Variants in TRIP4 observed in about 807,000 individuals in gnomAD.
The protein encoded by TRIP4 is thyroid hormone receptor interactor 4.
In TRIP4, 54 loss-of-function variants were observed where a neutral mutation model predicts 81.8. The ratio of observed to expected loss-of-function variants is 0.66; its 90% CI spans 0.53 to 0.83. TRIP4 has a LOEUF of 0.83. Among genes scored for constraint, TRIP4 ranks in the 40% least tolerant of loss-of-function variants. The pLI, the probability that TRIP4 is intolerant of heterozygous loss-of-function variation, is 0.00. For synonymous variants in TRIP4, 270 were observed against 242.8 expected (o/e 1.11, Z -1.04); for missense variants, 662 against 683.6 (o/e 0.97, Z 0.35).
intron 10 of TRIP4, among the ~76,000 whole-genome samples, chr15:64,424,624 G>T (rs1186704114): frequency 1.3e-5 from 2 of 152,234 alleles, no homozygotes; most frequent in Admixed American, 6.5e-5. Context: ...TGACCTTTGG[G>T]CATCCTGTTT....
chr15:64,401,552 G>C (rs1020028513), intron 5 of TRIP4, among the ~76,000 whole-genome samples: 2 of 152,182 alleles, frequency 1.3e-5, no homozygotes, highest in African/African-American at 4.8e-5. Flanking sequence ...GATTACAGAT[G>C]TGACCCACTG....
At chr15:64,452,376 G>A (rs1892789883) in intron 12 of TRIP4, among the ~76,000 whole-genome samples, 1 of 152,128 alleles carries the variant, frequency 6.6e-6, no homozygotes, top group Non-Finnish European at 1.5e-5. Context: ...TGGGATTTTG[G>A]ATTTCTGGAT....
At chr15:64,432,922 AAAAT>A (rs59272780) in intron 11 of TRIP4, among the ~76,000 whole-genome samples, 9,309 of 150,228 alleles carry the variant, frequency 0.062, 329 homozygotes, top group African/African-American at 0.093. Flanking sequence ...AAAATAAATA[AAAAT>A]AAATAAATAA....
chr15:64,394,156 G>C, intron 2 of TRIP4, 41 bp downstream of exon 2: 1 of 1,509,942 alleles, frequency 6.6e-7, no homozygotes, highest in Non-Finnish European at 8.9e-7. Context: ...ATATTGGTAA[G>C]TGGGCAGGCT....
intron 6 of TRIP4, among the ~76,000 whole-genome samples, chr15:64,408,501 C>T (rs950363546): frequency 3.4e-5 from 5 of 148,394 alleles, no homozygotes; most frequent in Admixed American, 7.0e-5. Flanking sequence ...CCTTGTGATC[C>T]GTCCGCCTCA....
In TRIP4 at chr15:64,453,231, C is replaced by T. The variant is rs574660364; in HGVS notation, c.1679-1766C>T. Among the ~76,000 whole-genome samples, 3 of 152,228 alleles carry T rather than the reference C, an allele frequency of 2.0e-5. No individual in the cohort carries two copies. In the South Asian group the frequency reaches 6.2e-4, roughly 32 times the overall value. On this transcript the variant is annotated intron_variant, in intron 12 of 12. Coordinates refer to ENST00000261884, the MANE Select transcript of TRIP4 (RefSeq NM_016213.5). ...ATACAGACGACTGGATGTCTGGAGTCCTAGATGGAATTCTAAATTCTGTCC... is the reference window on the plus strand; with the variant it reads ...ATACAGACGACTGGATGTCTGGAGTTCTAGATGGAATTCTAAATTCTGTCC...
At chr15:64,437,166 A>C (rs1444352790) in intron 11 of TRIP4, among the ~76,000 whole-genome samples, 1 of 151,680 alleles carries the variant, frequency 6.6e-6, no homozygotes, top group African/African-American at 2.4e-5. Context: ...CACACCTGTA[A>C]TCCCAGCACT....
At chr15:64,421,937 C>T (rs943841775) in intron 9 of TRIP4, among the ~76,000 whole-genome samples, 5 of 150,876 alleles carry the variant, frequency 3.3e-5, no homozygotes, top group Admixed American at 1.3e-4. Flanking sequence ...TCTAGCTACT[C>T]GGGAGGCTGA....
At chr15:64,425,237 T>A (rs1038975588) in intron 10 of TRIP4, among the ~76,000 whole-genome samples, 3 of 152,150 alleles carry the variant, frequency 2.0e-5, no homozygotes, top group Non-Finnish European at 4.4e-5. Context: ...TCTGATCCAA[T>A]GGCGTATAGT....
rs1158885419 is a variant in TRIP4 at position 64,443,698 on chromosome 15, AAT to A, written c.1576-1305_1576-1304del. Among the ~76,000 whole-genome samples the A allele has an allele frequency of 9.2e-5, 14 of 152,248 alleles. No homozygotes were observed. In the East Asian group the frequency reaches 2.3e-3, roughly 25 times the overall value. ...CCGTGAACATTTGACCCTGCCTATT[AAT>A]ATGATTGTGGCTGATAGTTAATATT... On this transcript the variant is annotated intron_variant, in intron 11 of 12. Coordinates refer to ENST00000261884, the MANE Select transcript of TRIP4 (RefSeq NM_016213.5).
chr15:64,430,073 G>C (rs998423795), intron 11 of TRIP4, among the ~76,000 whole-genome samples: 3 of 152,146 alleles, frequency 2.0e-5, no homozygotes, highest in Non-Finnish European at 2.9e-5. Context: ...AAATCGAAAA[G>C]GTTTTGTTAG....
chr15:64,400,882 T>G (rs1891483387), intron 5 of TRIP4, 61 bp downstream of exon 5: 1 of 1,384,600 alleles, frequency 7.2e-7, no homozygotes, highest in Non-Finnish European at 1.0e-6. Flanking sequence ...CGTCTGTGGT[T>G]GTTTCTCTTT....
intron 11 of TRIP4, among the ~76,000 whole-genome samples, chr15:64,434,439 G>A (rs1440190123): frequency 6.6e-6 from 1 of 151,442 alleles, no homozygotes; most frequent in African/African-American, 2.4e-5. Flanking sequence ...GGTTTGTTCA[G>A]ATGATAGATA....
In TRIP4 at chr15:64,397,831, T is replaced by G. The variant is rs543864172; in HGVS notation, c.618+13T>G. On this transcript the variant is annotated intron_variant, in intron 4 of 12. Coordinates refer to ENST00000261884, the MANE Select transcript of TRIP4 (RefSeq NM_016213.5). ...CTGTGGCACTCTGGTAAATTATTTC[T>G]TTTCTATTTTATTTTACTGTGCTTT... 15 of 1,612,968 alleles carry G rather than the reference T, an allele frequency of 9.3e-6. No individual in the cohort carries two copies. In the African/African-American group the frequency reaches 1.5e-4, roughly 16 times the overall value.
intron 12 of TRIP4, 45 bp downstream of exon 12, chr15:64,445,153 T>A: frequency 9.4e-7 from 1 of 1,064,916 alleles, no homozygotes; most frequent in Non-Finnish European, 1.4e-6. Context: ...AGTGCAGTAG[T>A]AAGGAATGGG....
rs551298767 is a variant in TRIP4 at position 64,435,270 on chromosome 15, C to A, written c.1575+9639C>A. 6.0e-5 allele frequency among the ~76,000 whole-genome samples: 9 copies of A among 150,110 alleles called. No homozygotes were observed. The South Asian group carries it at 1.5e-3, about 25-fold the overall frequency. On this transcript the variant is annotated intron_variant, in intron 11 of 12. Transcript: ENST00000261884. ...GGTGCAGTGGCTCACGCCTGTAATCCCAGCACTTTGGGAGGCCATGGCGGG... is the reference window on the plus strand; with the variant it reads ...GGTGCAGTGGCTCACGCCTGTAATCACAGCACTTTGGGAGGCCATGGCGGG...
intron 5 of TRIP4, among the ~76,000 whole-genome samples, chr15:64,405,469 A>C (rs1891603478): frequency 6.6e-6 from 1 of 152,144 alleles, no homozygotes. Context: ...TCTAATTTCT[A>C]ACTGTGTGAA....
intron 11 of TRIP4, among the ~76,000 whole-genome samples, chr15:64,433,318 CCCT>C (rs1300764632): frequency 6.6e-6 from 1 of 152,036 alleles, no homozygotes; most frequent in African/African-American, 2.4e-5. Context: ...GTGTCATTTC[CCCT>C]CCTTTAGGGA....
chr15:64,388,414 C>G (rs1213636412), intron 1 of TRIP4, among the ~76,000 whole-genome samples: 5 of 152,324 alleles, frequency 3.3e-5, no homozygotes, highest in South Asian at 2.1e-4. Context: ...TCAGGTGATT[C>G]ACCTGCCTGA....
Sources: gnomAD v4.1 joint callset for allele counts (sites outside exome capture counted in the v4.1 genomes callset) on GRCh38, gnomAD v4.1.1 for gene constraint, MANE v1.5 for transcripts, NCBI Gene and HGNC (gene_info 2026-07-23, HGNC 2026-07-21) for gene names.